RBL1: variants seen among roughly 807,000 people sequenced by gnomAD.
RBL1 encodes retinoblastoma-like protein 1.
Under a neutral mutation model 123.0 loss-of-function variants are expected in RBL1, and 82 were observed. The observed-to-expected ratio is 0.67, with a 90% CI of 0.56 to 0.80. The LOEUF is 0.80. Ranked by LOEUF, RBL1 falls within the 30% of genes least tolerant of loss-of-function variation. RBL1 has a pLI of 0.00. For synonymous variants in RBL1, 405 were observed against 441.3 expected (o/e 0.92, Z 1.03); for missense variants, 1,171 against 1,299.6 (o/e 0.90, Z 1.52).
intron 2 of RBL1, among the ~76,000 whole-genome samples, chr20:37,084,081 G>C (rs550239156): frequency 1.6e-4 from 24 of 151,452 alleles, no homozygotes; most frequent in African/African-American, 5.6e-4. Flanking sequence ...GCTAATCTTT[G>C]TAGAAACAGG....
chr20:37,094,918 G>A (rs1226679212), intron 1 of RBL1, among the ~76,000 whole-genome samples: 1 of 152,182 alleles, frequency 6.6e-6, no homozygotes, highest in African/African-American at 2.4e-5. Context: ...GATTATAGGC[G>A]TGAGCCGCCA....
chr20:37,095,060 G>C (rs755688512), intron 1 of RBL1, among the ~76,000 whole-genome samples: 2 of 152,192 alleles, frequency 1.3e-5, no homozygotes, highest in Non-Finnish European at 2.9e-5. Context: ...AGGATAAAAT[G>C]CAAGAATGAT....
chr20:37,085,132 CTTTTTTTTTT>C (rs1212338574), intron 2 of RBL1, among the ~76,000 whole-genome samples: 1 of 132,982 alleles, frequency 7.5e-6, no homozygotes, highest in Non-Finnish European at 1.6e-5. Flanking sequence ...CTTTTCTTTT[CTTTTTTTTTT>C]TTTTTTGAGA....
At position 37,018,329 on chromosome 20, in the gene RBL1, A is replaced by G; in HGVS notation, c.2672T>C (p.Val891Ala). 6.2e-7 allele frequency: 1 copy of G among 1,611,606 alleles called. No homozygotes were observed. The highest frequency in any genetic ancestry group is 8.5e-7 in the Non-Finnish European group (1 of 1,179,210). ...ATTTATATTTTTATTATATGCCACA[A>G]CTTCTCTTGGAATACTTTTCAGCAG... ...SVLLKSIPRE[V>A]VAYNKNINDD... Residue 891 changes from valine to alanine, a missense_variant, in exon 19 of 22, where the codon GTT becomes GCT. Val to Ala is a moderately conservative substitution (Grantham distance 64). Coordinates refer to ENST00000373664, the MANE Select transcript of RBL1 (RefSeq NM_002895.5).
At chr20:37,000,338 C>G (rs1354170801) in intron 21 of RBL1, among the ~76,000 whole-genome samples, 1 of 150,500 alleles carries the variant, frequency 6.6e-6, no homozygotes. Flanking sequence ...AGCCCCCCAC[C>G]CGGCCAGCCG....
At chr20:37,012,194 G>A (rs6030733) in intron 19 of RBL1, among the ~76,000 whole-genome samples, 18 of 152,378 alleles carry the variant, frequency 1.2e-4, no homozygotes, top group African/African-American at 4.3e-4. Context: ...GAGTGCAGTG[G>A]CGTGATCTCG....
intron 13 of RBL1, among the ~76,000 whole-genome samples, chr20:37,043,616 T>C (rs1464962077): frequency 1.3e-5 from 2 of 152,016 alleles, no homozygotes; most frequent in Non-Finnish European, 2.9e-5. Flanking sequence ...GTGTAGTCAG[T>C]GCACCATCTT....
chr20:37,068,765 G>A (rs1009633261), intron 2 of RBL1, among the ~76,000 whole-genome samples: 3 of 144,212 alleles, frequency 2.1e-5, no homozygotes, highest in South Asian at 2.2e-4. Flanking sequence ...ACCTGAGATC[G>A]GGAGTTCAAG....
intron 20 of RBL1, among the ~76,000 whole-genome samples, chr20:37,005,279 C>T (rs1265132041): frequency 2.0e-5 from 3 of 151,830 alleles, no homozygotes; most frequent in Admixed American, 6.6e-5. Context: ...TGGTGACAGG[C>T]GCCTGTAATG....
chr20:37,019,776 C>T (rs934488966), intron 18 of RBL1, among the ~76,000 whole-genome samples: 21 of 152,234 alleles, frequency 1.4e-4, no homozygotes, highest in Admixed American at 4.6e-4. Context: ...AATGATCAAA[C>T]CCTTAAGGTA....
chr20:37,086,915 T>C (rs1600610273), intron 2 of RBL1, among the ~76,000 whole-genome samples: 2 of 152,214 alleles, frequency 1.3e-5, no homozygotes, highest in South Asian at 2.1e-4. Context: ...GGATAACACA[T>C]GCCATCATCA....
chr20:37,029,383 TC>T (rs1174465800), intron 16 of RBL1, among the ~76,000 whole-genome samples: 1 of 152,190 alleles, frequency 6.6e-6, no homozygotes, highest in Non-Finnish European at 1.5e-5. Context: ...TACTGTATTT[TC>T]ATTCTGTGTT....
At chr20:37,026,299 G>A (rs1267058467) in intron 16 of RBL1, among the ~76,000 whole-genome samples, 1 of 152,144 alleles carries the variant, frequency 6.6e-6, no homozygotes, top group East Asian at 1.9e-4. Flanking sequence ...ATCTAATTCA[G>A]AGTGTGGGCT....
At chr20:37,012,437 G>A (rs1161954745) in intron 19 of RBL1, among the ~76,000 whole-genome samples, 3 of 151,834 alleles carry the variant, frequency 2.0e-5, no homozygotes, top group Non-Finnish European at 4.4e-5. Context: ...CTTCCCGGCC[G>A]CCATCCCATC....
At chr20:37,021,601 T>A (rs2064341882) in intron 17 of RBL1, 1 of 152,116 alleles carries the variant, frequency 6.6e-6, no homozygotes, top group Non-Finnish European at 1.5e-5. Context: ...CGTGCCACCA[T>A]GCCCAGCTAA....
intron 14 of RBL1, among the ~76,000 whole-genome samples, chr20:37,039,680 T>C (rs1347802368): frequency 1.3e-5 from 2 of 152,214 alleles, no homozygotes; most frequent in Non-Finnish European, 2.9e-5. Context: ...ATTTTGGGTA[T>C]GTCTTTATTA....
chr20:37,081,249 T>C (rs1449424189), intron 2 of RBL1, among the ~76,000 whole-genome samples: 2 of 152,208 alleles, frequency 1.3e-5, no homozygotes, highest in Non-Finnish European at 2.9e-5. Flanking sequence ...ACCTTCCTAA[T>C]GGTGTGAGAT....
intron 19 of RBL1, among the ~76,000 whole-genome samples, chr20:37,012,617 C>T (rs1205833966): frequency 4.8e-5 from 7 of 144,638 alleles, no homozygotes; most frequent in Admixed American, 2.0e-4. Flanking sequence ...GTGAGGAGCC[C>T]CTCCGCCCAG....
At chr20:37,020,799 A>G (rs1274453874) in intron 17 of RBL1, 69 bp from the exon 18 acceptor site, 4 of 1,084,036 alleles carry the variant, frequency 3.7e-6, no homozygotes, top group East Asian at 2.6e-5. Context: ...CAAAACTTCA[A>G]TTATAAGTTG....
Sources: gnomAD v4.1 joint callset for allele counts (sites outside exome capture counted in the v4.1 genomes callset) on GRCh38, gnomAD v4.1.1 for gene constraint, MANE v1.5 for transcripts, NCBI Gene and HGNC (gene_info 2026-07-23, HGNC 2026-07-21) for gene names.